The following AKT3 variants were observed in gnomAD, a reference collection of about 807,000 sequenced individuals.
AKT3 encodes the protein RAC-gamma serine/threonine-protein kinase.
In AKT3, 15 loss-of-function variants were observed where a neutral mutation model predicts 65.3. That is an observed-to-expected ratio of 0.23 (90% CI 0.15 to 0.35). The LOEUF is 0.35. AKT3 is among the 10% of genes least tolerant of loss of function. AKT3 has a pLI of 1.00. For synonymous variants in AKT3, 206 were observed against 183.8 expected, an observed-to-expected ratio of 1.12 and a Z score of -0.98; for missense variants, 243 against 576.5, an observed-to-expected ratio of 0.42 and a Z score of 5.92.
intron 2 of AKT3, among the ~76,000 whole-genome samples, chr1:243,715,803 A>AG (rs1686477883): frequency 6.6e-6 from 1 of 152,102 alleles, no homozygotes; most frequent in African/African-American, 2.4e-5. Context: ...TTCTTAGTGG[A>AG]GAAAAAAAAA....
rs77266914 is a variant in AKT3 at position 243,619,244 on chromosome 1, G to C, written c.562-4083C>G. 9.9e-3 allele frequency among the ~76,000 whole-genome samples: 1,499 copies of C among 152,168 alleles called. 61 individuals carry two copies. Among genetic ancestry groups the C allele is most frequent in the East Asian group, 0.08 (414 of 5,174 alleles). On this transcript the variant is annotated intron_variant, in intron 6 of 13. Transcript: ENST00000673466. ...GCACATGTTTTTTCGATACATAATAGTTGTATACATTTTCGGGGTACATGT... is the reference window on the plus strand; with the variant it reads ...GCACATGTTTTTTCGATACATAATACTTGTATACATTTTCGGGGTACATGT...
intron 2 of AKT3, among the ~76,000 whole-genome samples, chr1:243,712,426 C>T (rs1013923868): frequency 3.9e-5 from 6 of 152,172 alleles, no homozygotes; most frequent in Admixed American, 1.3e-4. Context: ...TCTGTCAGTA[C>T]GTTGGCCTTT....
intron 2 of AKT3, among the ~76,000 whole-genome samples, chr1:243,824,265 A>G (rs1694027563): frequency 6.6e-6 from 1 of 152,114 alleles, no homozygotes; most frequent in Admixed American, 6.6e-5. Context: ...AACTCAATAC[A>G]GATTTAAAGA....
chr1:243,762,085 ATCT>A (rs1413579688), intron 2 of AKT3, among the ~76,000 whole-genome samples: 1 of 152,124 alleles, frequency 6.6e-6, no homozygotes, highest in African/African-American at 2.4e-5. Flanking sequence ...TACGTTTAAT[ATCT>A]TCTTAGGAAT....
At chr1:243,707,033 T>C (rs1685846104) in intron 2 of AKT3, among the ~76,000 whole-genome samples, 1 of 152,048 alleles carries the variant, frequency 6.6e-6, no homozygotes, top group South Asian at 2.1e-4. Flanking sequence ...TTCTGGAAAA[T>C]GGGGACAATA....
At chr1:243,546,494 G>C (rs1023756188) in intron 11 of AKT3, 1 of 152,144 alleles carries the variant, frequency 6.6e-6, no homozygotes, top group African/African-American at 2.4e-5. Context: ...ATTTTATATA[G>C]TAGGCTTTAT....
At chr1:243,695,803 C>CT in intron 2 of AKT3, 87 bp from the exon 3 acceptor site, 1 of 1,200,812 alleles carries the variant, frequency 8.3e-7, no homozygotes. Context: ...AATATATGTC[C>CT]TACAACACTG....
chr1:243,632,744 C>CT, intron 6 of AKT3, among the ~76,000 whole-genome samples: 1 of 152,328 alleles, frequency 6.6e-6, no homozygotes, highest in Middle Eastern at 3.4e-3. Flanking sequence ...ATCTGGATAA[C>CT]TTGCTGCAGC....
intron 2 of AKT3, among the ~76,000 whole-genome samples, chr1:243,731,044 C>T (rs1209486806): frequency 1.3e-5 from 2 of 152,150 alleles, no homozygotes; most frequent in South Asian, 4.1e-4. Flanking sequence ...GTGGGTGGAA[C>T]GAGCACAGTG....
chr1:243,492,627 T>TTTTG (rs1222752580), intron 13 of AKT3, among the ~76,000 whole-genome samples: 1 of 113,216 alleles, frequency 8.8e-6, no homozygotes, highest in Non-Finnish European at 1.9e-5. Flanking sequence ...TTTTTTTTTT[T>TTTTG]GATGAGTTTT....
intron 2 of AKT3, among the ~76,000 whole-genome samples, chr1:243,774,715 T>C (rs1690435385): frequency 6.6e-6 from 1 of 152,206 alleles, no homozygotes; most frequent in Non-Finnish European, 1.5e-5. Flanking sequence ...TGCATGTATT[T>C]TGGTAACATC....
At chr1:243,837,733 AT>A (rs1170555288) in intron 2 of AKT3, among the ~76,000 whole-genome samples, 5 of 152,170 alleles carry the variant, frequency 3.3e-5, no homozygotes, top group Non-Finnish European at 5.9e-5. Context: ...ATAGTAGGGA[AT>A]TTTTTCAACC....
intron 2 of AKT3, among the ~76,000 whole-genome samples, chr1:243,708,778 T>A (rs1685968037): frequency 6.6e-6 from 1 of 152,000 alleles, no homozygotes; most frequent in Non-Finnish European, 1.5e-5. Flanking sequence ...AAATATACAA[T>A]CTTTCAGTAA....
chr1:243,713,351 AC>A (rs1311896441), intron 2 of AKT3, among the ~76,000 whole-genome samples: 1 of 152,100 alleles, frequency 6.6e-6, no homozygotes, highest in Non-Finnish European at 1.5e-5. Context: ...GAAGTATTAA[AC>A]CCCTAAACTA....
chr1:243,556,790 C>T (rs529337259), intron 10 of AKT3, among the ~76,000 whole-genome samples: 1 of 152,084 alleles, frequency 6.6e-6, no homozygotes, highest in South Asian at 2.1e-4. Flanking sequence ...TTCTTAACAT[C>T]ACAGGTATGG....
chr1:243,684,100 T>C (rs964651084), intron 3 of AKT3, among the ~76,000 whole-genome samples: 2 of 148,796 alleles, frequency 1.3e-5, no homozygotes, highest in African/African-American at 2.5e-5. Context: ...ATCTTATTTA[T>C]TTTTTTTTTA....
intron 2 of AKT3, among the ~76,000 whole-genome samples, chr1:243,703,490 G>T (rs1685594700): frequency 1.3e-5 from 2 of 152,074 alleles, no homozygotes; most frequent in Admixed American, 1.3e-4. Flanking sequence ...GCCAGGCGTG[G>T]TTGCTCACTC....
intron 11 of AKT3, among the ~76,000 whole-genome samples, chr1:243,548,512 C>A (rs1177930540): frequency 6.6e-6 from 1 of 152,158 alleles, no homozygotes; most frequent in Non-Finnish European, 1.5e-5. Context: ...AATTCTTTAA[C>A]ACACTTCTTC....
At chr1:243,688,860 A>T (rs528882198) in intron 3 of AKT3, among the ~76,000 whole-genome samples, 13 of 152,134 alleles carry the variant, frequency 8.5e-5, no homozygotes, top group African/African-American at 2.6e-4. Context: ...TTCTCCATCC[A>T]TCTAGGATAT....
Sources: gnomAD v4.1 joint callset for allele counts (sites outside exome capture counted in the v4.1 genomes callset) on GRCh38, gnomAD v4.1.1 for gene constraint, MANE v1.5 for transcripts, NCBI Gene and HGNC (gene_info 2026-07-23, HGNC 2026-07-21) for gene names.